Variants in SGCZ observed in about 807,000 individuals in gnomAD.
SGCZ encodes zeta-sarcoglycan.
In SGCZ, 40 loss-of-function variants were observed where a neutral mutation model predicts 41.3. The observed-to-expected ratio is 0.97, with a 90% CI of 0.75 to 1.26. The LOEUF (loss-of-function observed/expected upper bound fraction) is 1.26. Among genes scored for constraint, SGCZ ranks in the 50% most tolerant of loss-of-function variants. SGCZ has a pLI of 0.00. For synonymous variants in SGCZ, 206 were observed against 137.5 expected (o/e 1.50, Z -3.49); for missense variants, 552 against 369.8 (o/e 1.49, Z -4.04).
At position 15,160,951 on chromosome 8, in the gene SGCZ, G is replaced by A. The variant is rs531932278; in HGVS notation, c.39+76634C>T. ...GTGCAGCCACTACAGTGGCTGGTGT[G>A]CAGTGGTGTGAGCTCACTCCTGGGC... On this transcript the variant is annotated intron_variant, in intron 1 of 7. Transcript: ENST00000382080. 5.3e-5 allele frequency among the ~76,000 whole-genome samples: 8 copies of A among 152,270 alleles called. No individual in the cohort carries two copies. In the South Asian group the frequency reaches 1.7e-3, roughly 32 times the overall value.
At chr8:14,444,993 T>C (rs1386236568) in intron 2 of SGCZ, among the ~76,000 whole-genome samples, 1 of 152,158 alleles carries the variant, frequency 6.6e-6, no homozygotes, top group Non-Finnish European at 1.5e-5. Context: ...ACTGACTCCA[T>C]TACTTTCCCC....
At chr8:14,641,070 T>A (rs996126674) in intron 1 of SGCZ, among the ~76,000 whole-genome samples, 2 of 151,614 alleles carry the variant, frequency 1.3e-5, no homozygotes, top group Non-Finnish European at 3.0e-5. Context: ...TCCCATCTTG[T>A]CCAGTGGTAA....
intron 2 of SGCZ, among the ~76,000 whole-genome samples, chr8:14,474,180 AT>A (rs1801293698): frequency 2.6e-5 from 4 of 152,112 alleles, no homozygotes; most frequent in Admixed American, 2.6e-4. Context: ...TAAACAAACC[AT>A]TTTTTGCACT....
intron 3 of SGCZ, among the ~76,000 whole-genome samples, chr8:14,308,037 T>G (rs1262812035): frequency 1.3e-5 from 2 of 152,030 alleles, no homozygotes; most frequent in African/African-American, 4.8e-5. Context: ...TTTCATACGA[T>G]TCGGGGGAAC....
chr8:14,680,974 A>AAAAAC (rs1334452918), intron 1 of SGCZ, among the ~76,000 whole-genome samples: 27 of 151,014 alleles, frequency 1.8e-4, no homozygotes, highest in African/African-American at 6.1e-4. Context: ...GAAAAAAAAA[A>AAAAAC]AAAAAAACAG....
At chr8:14,501,878 T>A (rs997714271) in intron 2 of SGCZ, among the ~76,000 whole-genome samples, 3 of 152,150 alleles carry the variant, frequency 2.0e-5, no homozygotes, top group Non-Finnish European at 4.4e-5. Flanking sequence ...CAATATAATA[T>A]CTTTTTATTG....
At chr8:14,820,352 A>C (rs983420426) in intron 1 of SGCZ, among the ~76,000 whole-genome samples, 3 of 152,088 alleles carry the variant, frequency 2.0e-5, no homozygotes, top group Admixed American at 6.5e-5. Context: ...TGGAGCACCC[A>C]GGTATATAAT....
At chr8:14,402,244 T>C (rs1799098072) in intron 2 of SGCZ, among the ~76,000 whole-genome samples, 1 of 151,624 alleles carries the variant, frequency 6.6e-6, no homozygotes, top group African/African-American at 2.4e-5. Context: ...AGGTTGCCTG[T>C]TCACTCTGAT....
chr8:14,595,267 T>G (rs1339198514), intron 1 of SGCZ, among the ~76,000 whole-genome samples: 2 of 152,160 alleles, frequency 1.3e-5, no homozygotes, highest in African/African-American at 2.4e-5. Flanking sequence ...ATAACAGTAT[T>G]TTTTTGGAAA....
At chr8:14,959,597 C>T (rs1800900262) in intron 1 of SGCZ, among the ~76,000 whole-genome samples, 1 of 152,088 alleles carries the variant, frequency 6.6e-6, no homozygotes, top group Admixed American at 6.6e-5. Context: ...TCGTTCTTCT[C>T]AGTATCCACC....
intron 3 of SGCZ, among the ~76,000 whole-genome samples, chr8:14,273,215 A>G (rs1800117977): frequency 6.6e-6 from 1 of 152,122 alleles, no homozygotes; most frequent in South Asian, 2.1e-4. Context: ...AAAATAATAT[A>G]AAATGTACTT....
chr8:15,134,313 T>G (rs7464799), intron 1 of SGCZ, among the ~76,000 whole-genome samples: 2,524 of 151,552 alleles, frequency 0.017, 94 homozygotes, highest in East Asian at 0.14. Flanking sequence ...TCTTTTTTTT[T>G]TTTGTTTCTT....
chr8:15,097,843 T>C (rs1227812224), intron 1 of SGCZ, among the ~76,000 whole-genome samples: 432 of 9,862 alleles, frequency 0.044, 24 homozygotes, highest in African/African-American at 0.094. Context: ...TACGTGTGTG[T>C]ATATATATAT....
chr8:14,838,782 G>A (rs1242280761), intron 1 of SGCZ, among the ~76,000 whole-genome samples: 6 of 152,178 alleles, frequency 3.9e-5, no homozygotes, highest in East Asian at 1.9e-4. Flanking sequence ...GTATCTTTTC[G>A]TGGAGCTGCA....
rs140001747 is a variant in SGCZ at position 15,213,528 on chromosome 8, G to C, written c.39+24057C>G. 1.4e-3 allele frequency among the ~76,000 whole-genome samples: 217 copies of C among 151,362 alleles called. 2 individuals carry two copies. The highest frequency in any genetic ancestry group is 0.012 in the Admixed American group (186 of 15,224). On this transcript the variant is annotated intron_variant, in intron 1 of 7. Coordinates refer to ENST00000382080, the MANE Select transcript of SGCZ (RefSeq NM_139167.4). ...ATATTAAATATTAAAAACCTGTCTA[G>C]TATCTTTCTATTTGCTATGCATTAT...
At chr8:14,387,203 A>T (rs929503157) in intron 2 of SGCZ, among the ~76,000 whole-genome samples, 2 of 152,076 alleles carry the variant, frequency 1.3e-5, no homozygotes, top group Non-Finnish European at 2.9e-5. Flanking sequence ...GTGCACCATC[A>T]CACACGACTA....
At chr8:14,162,219 A>C (rs1227729938) in intron 5 of SGCZ, among the ~76,000 whole-genome samples, 1 of 152,200 alleles carries the variant, frequency 6.6e-6, no homozygotes, top group Non-Finnish European at 1.5e-5. Flanking sequence ...AAATTCCATG[A>C]GATCGTAAAA....
At chr8:14,985,102 A>G (rs754959253) in intron 1 of SGCZ, among the ~76,000 whole-genome samples, 4 of 152,196 alleles carry the variant, frequency 2.6e-5, no homozygotes, top group Non-Finnish European at 4.4e-5. Flanking sequence ...AATACGAAAG[A>G]ATGACATAAA....
chr8:14,769,516 G>C (rs1037454095), intron 1 of SGCZ, among the ~76,000 whole-genome samples: 2 of 152,154 alleles, frequency 1.3e-5, no homozygotes, highest in Non-Finnish European at 1.5e-5. Flanking sequence ...TGGCAGCCAG[G>C]CGCGATGGCT....
Sources: gnomAD v4.1 joint callset for allele counts (sites outside exome capture counted in the v4.1 genomes callset) on GRCh38, gnomAD v4.1.1 for gene constraint, MANE v1.5 for transcripts, NCBI Gene and HGNC (gene_info 2026-07-23, HGNC 2026-07-21) for gene names.